FBXL13: variants seen among roughly 807,000 people sequenced by gnomAD.
The protein encoded by FBXL13 is F-box and leucine rich repeat protein 13.
A neutral mutation model predicts 83.6 loss-of-function variants in FBXL13; 67 were observed. The observed-to-expected ratio is 0.80, with a 90% CI of 0.66 to 0.98. The LOEUF is 0.98. Ranked by LOEUF, FBXL13 falls within the 50% of genes least tolerant of loss-of-function variation. FBXL13 has a pLI of 0.00. For synonymous variants in FBXL13, 272 were observed against 299.5 expected (o/e 0.91, Z 0.95); for missense variants, 822 against 866.5 (o/e 0.95, Z 0.64).
intron 5 of FBXL13, 23 bp downstream of exon 6, chr7:103,027,426 A>C (rs550385855): frequency 6.6e-7 from 1 of 1,516,818 alleles, no homozygotes; most frequent in Non-Finnish European, 9.1e-7. Flanking sequence ...GGATTCTTAA[A>C]AAATTGTTTC....
At chr7:103,020,221 A>C (rs1271949618) in intron 6 of FBXL13, among the ~76,000 whole-genome samples, 2 of 152,218 alleles carry the variant, frequency 1.3e-5, no homozygotes, top group Non-Finnish European at 2.9e-5. Context: ...CAAAGGCAAA[A>C]ACCACATGAT....
intron 1 of FBXL13, among the ~76,000 whole-genome samples, chr7:103,067,315 G>A (rs1798497778): frequency 6.6e-6 from 1 of 152,190 alleles, no homozygotes; most frequent in African/African-American, 2.4e-5. Context: ...AACAGGTAAA[G>A]GAGATAATCG....
At chr7:103,054,917 T>C (rs1797190026) in intron 2 of FBXL13, among the ~76,000 whole-genome samples, 171 bp downstream of exon 3, 1 of 152,112 alleles carries the variant, frequency 6.6e-6, no homozygotes. Flanking sequence ...TTACTATGAA[T>C]GTGGCTTTGC....
At chr7:103,004,728 C>A (rs958105160) in intron 6 of FBXL13, among the ~76,000 whole-genome samples, 1 of 152,154 alleles carries the variant, frequency 6.6e-6, no homozygotes, top group East Asian at 1.9e-4. Context: ...CATCACAGAG[C>A]AGTCCATTTC....
intron 6 of FBXL13, among the ~76,000 whole-genome samples, chr7:102,975,614 A>G (rs1466962392): frequency 6.6e-6 from 1 of 152,220 alleles, no homozygotes; most frequent in Non-Finnish European, 1.5e-5. Context: ...CAAGGTCCTA[A>G]CGAAAACCCA....
intron 16 of FBXL13, among the ~76,000 whole-genome samples, chr7:102,860,464 C>T (rs1806643386): frequency 6.6e-6 from 1 of 152,150 alleles, no homozygotes; most frequent in African/African-American, 2.4e-5. Context: ...ACTTCATGTG[C>T]AAAGTGTGAG....
chr7:102,896,768 C>T (rs773318976), intron 11 of FBXL13, among the ~76,000 whole-genome samples: 11 of 152,176 alleles, frequency 7.2e-5, no homozygotes, highest in Non-Finnish European at 1.3e-4. Flanking sequence ...TTAGGTTCCA[C>T]CCTAAATGAC....
chr7:102,901,988 T>C (rs1379409679), intron 11 of FBXL13, among the ~76,000 whole-genome samples: 1 of 152,200 alleles, frequency 6.6e-6, no homozygotes, highest in Non-Finnish European at 1.5e-5. Context: ...GCTCAATTTT[T>C]AGTTTTTTGA....
chr7:102,854,830 A>AT lies in FBXL13; in HGVS notation c.1665dup (p.Leu556IlefsTer8), dbSNP rs1432944625. On this transcript the variant is annotated frameshift_variant, in exon 17 of 20. Coordinates refer to ENST00000313221, the Ensembl canonical transcript of FBXL13. LOFTEE classifies it high-confidence loss of function. ...CATTCAGATACAGAAAGTTCCTTCA[A>AT]TTTTTTATGTCTGGAAAGCACATTC... 3 of 1,591,026 alleles carry AT rather than the reference A, an allele frequency of 1.9e-6. No individual in the cohort carries two copies. Among genetic ancestry groups the AT allele is most frequent in the South Asian group, 1.1e-5 (1 of 87,496 alleles).
intron 6 of FBXL13, among the ~76,000 whole-genome samples, chr7:102,970,486 A>G (rs1033724171): frequency 6.6e-6 from 1 of 152,208 alleles, no homozygotes; most frequent in Admixed American, 6.5e-5. Context: ...ATTAATGTGC[A>G]AAGAGGTTCC....
intron 17 of FBXL13, among the ~76,000 whole-genome samples, chr7:102,837,322 C>T (rs533035628): frequency 6.6e-6 from 1 of 152,174 alleles, no homozygotes; most frequent in Non-Finnish European, 1.5e-5. Flanking sequence ...TTAGCAAAGG[C>T]CCAGCCTCAG....
intron 6 of FBXL13, among the ~76,000 whole-genome samples, chr7:102,980,121 T>A (rs1248761760): frequency 3.3e-5 from 5 of 152,150 alleles, no homozygotes; most frequent in Non-Finnish European, 5.9e-5. Flanking sequence ...AATCTGACCC[T>A]CAAATTTGCA....
At chr7:102,922,654 G>A (rs1291643555) in intron 10 of FBXL13, among the ~76,000 whole-genome samples, 1 of 152,098 alleles carries the variant, frequency 6.6e-6, no homozygotes, top group African/African-American at 2.4e-5. Flanking sequence ...TCTTATAAAT[G>A]TAGCCAGCCA....
chr7:103,062,044 A>C (rs560739066), intron 1 of FBXL13, among the ~76,000 whole-genome samples: 1,922 of 133,992 alleles, frequency 0.014, 38 homozygotes, highest in African/African-American at 0.055. Context: ...AAAAAAAAAA[A>C]CAAACCTTTG....
intron 11 of FBXL13, among the ~76,000 whole-genome samples, chr7:102,896,622 G>T (rs985154239): frequency 6.6e-6 from 1 of 152,156 alleles, no homozygotes; most frequent in Non-Finnish European, 1.5e-5. Context: ...CCCTCTGAGG[G>T]CTGTGAGGAA....
chr7:102,832,851 C>G, exon 18 of FBXL13: 1 of 1,614,166 alleles, frequency 6.2e-7, no homozygotes, highest in Non-Finnish European at 8.5e-7. Context: ...TTTGGACAGC[C>G]AGCAATGCTG....
At chr7:102,934,719 A>C in intron 8 of FBXL13, 1 of 1,506,998 alleles carries the variant, frequency 6.6e-7, no homozygotes, top group Non-Finnish European at 9.0e-7. Flanking sequence ...ATTTTCATGA[A>C]TAACTTGAAA....
intron 8 of FBXL13, among the ~76,000 whole-genome samples, chr7:102,937,192 T>G (rs1820486272): frequency 6.6e-6 from 1 of 152,132 alleles, no homozygotes; most frequent in South Asian, 2.1e-4. Context: ...CAGAGCCTAT[T>G]ATTTTAGATT....
intron 6 of FBXL13, chr7:102,973,667 A>AC (rs1214552787): frequency 1.3e-6 from 1 of 766,234 alleles, no homozygotes; most frequent in Non-Finnish European, 2.4e-6. Context: ...CCGTGGACCT[A>AC]CCCCTCCGCC....
Sources: gnomAD v4.1 joint callset for allele counts (sites outside exome capture counted in the v4.1 genomes callset) on GRCh38, gnomAD v4.1.1 for gene constraint, MANE v1.5 for transcripts, NCBI Gene and HGNC (gene_info 2026-07-23, HGNC 2026-07-21) for gene names.